Variants in ADAMTSL1 observed in about 807,000 individuals in gnomAD.
The protein encoded by ADAMTSL1 is ADAMTS-like protein 1.
In ADAMTSL1, 126 loss-of-function variants were observed where a neutral mutation model predicts 201.8. That is an observed-to-expected ratio of 0.62 (90% CI 0.54 to 0.72). The LOEUF (loss-of-function observed/expected upper bound fraction) is 0.72, where lower values mean the gene tolerates loss of function less well. Among genes scored for constraint, ADAMTSL1 ranks in the 30% least tolerant of loss-of-function variants. The pLI, the probability that ADAMTSL1 is intolerant of heterozygous loss-of-function variation, is 0.00. For synonymous variants in ADAMTSL1, 1,121 were observed against 903.4 expected (o/e 1.24, Z -4.32); for missense variants, 2,679 against 2,277.8 (o/e 1.18, Z -3.59).
intron 1 of ADAMTSL1, among the ~76,000 whole-genome samples, chr9:18,059,261 A>G (rs77752300): frequency 0.023 from 3,451 of 152,276 alleles, 49 homozygotes; most frequent in Middle Eastern, 0.041. Context: ...GGTAGGTTTC[A>G]TGTCACCTTT....
In ADAMTSL1 at chr9:18,832,299, A is replaced by C. The variant is rs538986042; in HGVS notation, c.4249+2322A>C. The stretch of plus-strand genomic sequence containing the variant: ...CCTGACTCCTATAGGTGGCCCTTTC[A>C]GACCACAGTGTGCGCTCTGGGTATG... On this transcript the variant is annotated intron_variant, in intron 23 of 28. Transcript: ENST00000380548. Among the ~76,000 whole-genome samples the C allele has an allele frequency of 1.1e-3, 167 of 152,210 alleles. 1 individual carries two copies. Among genetic ancestry groups the C allele is most frequent in the African/African-American group, 3.9e-3 (161 of 41,520 alleles).
At chr9:18,658,035 C>A (rs1828819970) in intron 8 of ADAMTSL1, among the ~76,000 whole-genome samples, 1 of 148,756 alleles carries the variant, frequency 6.7e-6, no homozygotes. Context: ...AGTGCAGTGG[C>A]GCCATCTCGG....
chr9:18,332,456 C>T (rs569745188), intron 2 of ADAMTSL1, among the ~76,000 whole-genome samples: 1 of 150,276 alleles, frequency 6.7e-6, no homozygotes, highest in African/African-American at 2.4e-5. Flanking sequence ...GTCCAGTTTT[C>T]CTCCTTTTTT....
At chr9:18,291,737 TCTCTCTCTCTCACACA>T (rs1563863858) in intron 2 of ADAMTSL1, among the ~76,000 whole-genome samples, 31 of 133,658 alleles carry the variant, frequency 2.3e-4, no homozygotes, top group African/African-American at 9.0e-4. Context: ...TCTCTCTCTC[TCTCTCTCTCTCACACA>T]CACACACACA....
intron 4 of ADAMTSL1, among the ~76,000 whole-genome samples, chr9:18,617,595 T>C (rs748049634): frequency 5.9e-5 from 9 of 152,114 alleles, no homozygotes; most frequent in African/African-American, 1.9e-4. Flanking sequence ...TAAGTGTGCT[T>C]GCTCAACTCA....
At chr9:17,993,463 C>CAG (rs3085370) in intron 1 of ADAMTSL1, among the ~76,000 whole-genome samples, 97,069 of 151,820 alleles carry the variant, frequency 0.64, 32,933 homozygotes, top group African/African-American at 0.86. Flanking sequence ...TCGTAGTTTA[C>CAG]AGTTCTATTC....
intron 1 of ADAMTSL1, among the ~76,000 whole-genome samples, chr9:18,125,620 C>T (rs1477511409): frequency 6.6e-6 from 1 of 152,034 alleles, no homozygotes; most frequent in Non-Finnish European, 1.5e-5. Flanking sequence ...GATAAGGGTC[C>T]AACTTAATTC....
intron 2 of ADAMTSL1, among the ~76,000 whole-genome samples, chr9:18,425,812 C>T (rs554198744): frequency 6.6e-6 from 1 of 150,466 alleles, no homozygotes; most frequent in East Asian, 2.0e-4. Context: ...ACCATGGTCA[C>T]CCCACTGCAC....
At chr9:18,308,050 C>CACTCAACTA (rs1833976944) in intron 2 of ADAMTSL1, among the ~76,000 whole-genome samples, 3 of 152,066 alleles carry the variant, frequency 2.0e-5, no homozygotes, top group Admixed American at 2.0e-4. Flanking sequence ...CACTCAAAAC[C>CACTCAACTA]ACTCAACTAC....
intron 1 of ADAMTSL1, among the ~76,000 whole-genome samples, chr9:18,077,872 T>C (rs1823303102): frequency 6.6e-6 from 1 of 152,136 alleles, no homozygotes; most frequent in South Asian, 2.1e-4. Flanking sequence ...GCAGGAGTTG[T>C]CTTTGGATGT....
intron 1 of ADAMTSL1, among the ~76,000 whole-genome samples, chr9:18,011,850 C>T (rs1290143364): frequency 6.6e-6 from 1 of 151,948 alleles, no homozygotes; most frequent in Non-Finnish European, 1.5e-5. Context: ...CAATACAACC[C>T]ATGAGTTGCC....
chr9:18,825,773 T>G (rs7871789), intron 21 of ADAMTSL1, among the ~76,000 whole-genome samples: 8,508 of 148,146 alleles, frequency 0.057, 301 homozygotes, highest in East Asian at 0.17. Flanking sequence ...GTTACCAGGT[T>G]TTTTTTTTTT....
intron 1 of ADAMTSL1, among the ~76,000 whole-genome samples, chr9:18,031,553 T>C (rs889216275): frequency 1.3e-5 from 2 of 152,168 alleles, no homozygotes; most frequent in Admixed American, 6.5e-5. Flanking sequence ...GGCCAGCAGA[T>C]GGTCTCTTAC....
At chr9:18,892,013 C>T (rs1352107109) in intron 25 of ADAMTSL1, among the ~76,000 whole-genome samples, 1 of 152,246 alleles carries the variant, frequency 6.6e-6, no homozygotes, top group East Asian at 1.9e-4. Context: ...CTGGTGGCCC[C>T]AGGTGGCTTA....
At chr9:18,369,430 A>G (rs1045775607) in intron 2 of ADAMTSL1, among the ~76,000 whole-genome samples, 2 of 152,230 alleles carry the variant, frequency 1.3e-5, no homozygotes, top group African/African-American at 4.8e-5. Flanking sequence ...ACAATGAGCT[A>G]CCATCTCACA....
rs544907760 is a variant in ADAMTSL1, at chr9:18,229,693, A to T, written c.207+65712A>T. ...TTCTTTGAACGTATTTTCTCGTTCA[A>T]CCAACATTTTTTTTTTTTTGATATG... On this transcript the variant is annotated intron_variant, in intron 2 of 29. Coordinates refer to the ADAMTSL1 transcript ENST00000680146. 6.6e-4 allele frequency among the ~76,000 whole-genome samples: 100 copies of T among 151,020 alleles called. 1 individual carries two copies. The highest frequency in any genetic ancestry group is 2.4e-3 in the African/African-American group (97 of 41,022).
chr9:18,892,313 T>A (rs1829329045), intron 25 of ADAMTSL1, 76 bp from the exon 26 acceptor site: 4 of 1,428,690 alleles, frequency 2.8e-6, no homozygotes, highest in Admixed American at 4.1e-5. Flanking sequence ...AGAGCAGGGA[T>A]GTCGGTGGGG....
intron 19 of ADAMTSL1, among the ~76,000 whole-genome samples, chr9:18,781,875 A>G (rs1041188872): frequency 2.0e-5 from 3 of 152,244 alleles, no homozygotes; most frequent in African/African-American, 7.2e-5. Context: ...TTGCTTTTAA[A>G]TATTCCAAAG....
rs149684236 is a variant in ADAMTSL1, at chr9:18,850,419, T to C, written c.4249+20442T>C. On this transcript the variant is annotated intron_variant, in intron 23 of 28. Transcript: ENST00000380548. The stretch of plus-strand genomic sequence containing the variant: ...TGTGCCCCCTTGTGTTTGGTGGTGC[T>C]ATAATGGCAGTTTTACAGCACTATC... Among the ~76,000 whole-genome samples, 1,303 of 152,338 alleles carry C rather than the reference T, an allele frequency of 8.6e-3. 9 individuals are homozygous for C. Among genetic ancestry groups the C allele is most frequent in the Middle Eastern group, 0.034 (10 of 294 alleles).
Sources: allele counts gnomAD v4.1 joint callset (sites outside exome capture counted in the v4.1 genomes callset), GRCh38; gene constraint gnomAD v4.1.1; transcripts MANE v1.5; gene names NCBI Gene and HGNC (gene_info 2026-07-23, HGNC 2026-07-21).